POLR1E: variants seen among roughly 807,000 people sequenced by gnomAD.
The protein encoded by POLR1E is RNA polymerase I subunit E.
A neutral mutation model predicts 50.9 loss-of-function variants in POLR1E; 37 were observed. The ratio of observed to expected loss-of-function variants is 0.73; its 90% confidence interval spans 0.56 to 0.96. POLR1E has a LOEUF of 0.96. Ranked by LOEUF, POLR1E falls within the 40% of genes least tolerant of loss-of-function variation. The pLI is 0.00. For synonymous variants in POLR1E, 166 were observed against 191.6 expected (o/e 0.87, Z 1.10); for missense variants, 426 against 518.1 (o/e 0.82, Z 1.73).
chr9:37,489,529 C>T, intron 4 of POLR1E, 129 bp downstream of exon 4: 1 of 679,420 alleles, frequency 1.5e-6, no homozygotes, highest in Non-Finnish European at 2.3e-6. Flanking sequence ...GTTTTTTCTG[C>T]TTTGTCTGTG....
intron 4 of POLR1E, chr9:37,490,506 G>C: frequency 1.2e-6 from 1 of 813,820 alleles, no homozygotes; most frequent in Non-Finnish European, 2.2e-6. Context: ...TCTGGGTGGA[G>C]CAGGCTGGCG....
At position 37,486,021 on chromosome 9, in the gene POLR1E, C is replaced by T. The variant is rs776282343; in HGVS notation, c.-27C>T. 3.8e-6 allele frequency: 6 copies of T among 1,589,118 alleles called. No individual in the cohort carries two copies. The highest frequency in any genetic ancestry group is 1.3e-5 in the African/African-American group (1 of 74,902). On this transcript the variant is annotated 5_prime_UTR_variant, in exon 1 of 12. Transcript: ENST00000377798. ...GCTTGTGGCTGCTGCTGTCTTAACT[C>T]CTGTGCTTGGCGGACAGACAGGCGA...
chr9:37,502,688 A>G (rs1820911422), intron 11 of POLR1E, among the ~76,000 whole-genome samples: 1 of 152,242 alleles, frequency 6.6e-6, no homozygotes, highest in African/African-American at 2.4e-5. Context: ...GTGAGGCTGA[A>G]AAAAAGAGAA....
intron 9 of POLR1E, among the ~76,000 whole-genome samples, chr9:37,499,863 T>C (rs1820848624): frequency 7.1e-6 from 1 of 141,614 alleles, no homozygotes; most frequent in Non-Finnish European, 1.6e-5. Flanking sequence ...TTTTTTTTCT[T>C]TTTTTGAGAC....
Position 37,486,600 on chromosome 9 carries a change from A to G in POLR1E, c.77-103A>G, listed in dbSNP as rs140657619. 6.7e-5 allele frequency: 108 copies of G among 1,613,480 alleles called. No homozygotes were observed. The African/African-American group carries it at 1.3e-3, about 19-fold the overall frequency. On this transcript the variant is annotated intron_variant, in intron 1 of 11. Transcript: ENST00000377798. ...GGACCCGAGCTTCCTTGCCATCCCC[A>G]TTCTGACACTCCCTCCCAGTGACAG...
intron 6 of POLR1E, 126 bp from the exon 7 acceptor site, chr9:37,495,043 C>A: frequency 1.3e-6 from 1 of 776,506 alleles, no homozygotes; most frequent in Non-Finnish European, 2.2e-6. Flanking sequence ...GGCGAGGTCA[C>A]TTTGGCAGAA....
At chr9:37,494,449 T>C (rs1000460619) in intron 6 of POLR1E, among the ~76,000 whole-genome samples, 2 of 152,182 alleles carry the variant, frequency 1.3e-5, no homozygotes, top group African/African-American at 4.8e-5. Context: ...TATTTATTGA[T>C]TGATTGGAGA....
intron 10 of POLR1E, 34 bp downstream of exon 10, chr9:37,500,955 AGGAGAAAGTAGGT>A (rs752753659): frequency 1.3e-6 from 2 of 1,557,622 alleles, no homozygotes; most frequent in Non-Finnish European, 1.8e-6. Context: ...TTTCTTGTGC[AGGAGAAAGTAGGT>A]GGGGGTTGGG....
At chr9:37,494,613 G>A (rs58701990) in intron 6 of POLR1E, among the ~76,000 whole-genome samples, 2,540 of 151,968 alleles carry the variant, frequency 0.017, 83 homozygotes, top group African/African-American at 0.058. Flanking sequence ...AATTTTTTTA[G>A]TTTTTTGGAG....
chr9:37,488,400 C>A (rs56332740), intron 3 of POLR1E, among the ~76,000 whole-genome samples: 1 of 151,688 alleles, frequency 6.6e-6, no homozygotes, highest in Non-Finnish European at 1.5e-5. Context: ...CCAGCCTCCC[C>A]CTCTGTACAG....
At chr9:37,501,169 C>T (rs1201532927) in intron 10 of POLR1E, among the ~76,000 whole-genome samples, 1 of 152,206 alleles carries the variant, frequency 6.6e-6, no homozygotes, top group African/African-American at 2.4e-5. Flanking sequence ...ACAATAAAGA[C>T]TTGTTTTACT....
At position 37,501,852 on chromosome 9, in the gene POLR1E, C is replaced by T. The variant is rs758474868; in HGVS notation, c.1100+8C>T. 1 of 1,611,042 alleles carries T rather than the reference C, an allele frequency of 6.2e-7. No homozygotes were observed. Among genetic ancestry groups the T allele is most frequent in the South Asian group, 1.1e-5 (1 of 90,308 alleles). On this transcript the variant is annotated splice_region_variant and intron_variant, in intron 11 of 11. Coordinates refer to ENST00000377798, the MANE Select transcript of POLR1E (RefSeq NM_022490.4). ...GAAGCTCAGTGAGAAAAGGTGAGCA[C>T]AACAGAATAAAGAGCTCCCTGCAGG...
intron 7 of POLR1E, 65 bp from the exon 8 acceptor site, chr9:37,495,825 A>G (rs563998253): frequency 2.1e-5 from 24 of 1,155,776 alleles, no homozygotes; most frequent in African/African-American, 3.0e-5. Context: ...TGCCACTGCT[A>G]TGAGATGACC....
chr9:37,494,306 G>T (rs1820746529), intron 6 of POLR1E, among the ~76,000 whole-genome samples: 1 of 151,880 alleles, frequency 6.6e-6, no homozygotes, highest in South Asian at 2.1e-4. Context: ...AGCCTCCCAG[G>T]TAGCTAGGAT....
rs1409808585 is a variant in POLR1E, at chr9:37,490,503, G to A, written c.343+1103G>A. 7.2e-6 allele frequency: 6 copies of A among 829,540 alleles called. No individual in the cohort carries two copies. The East Asian group carries it at 7.3e-5, about 10-fold the overall frequency. 51.4% of individuals were successfully genotyped at this position (829,540 alleles called of 1,614,324 possible). A position where few individuals can be genotyped will look rare whatever the true frequency, so the allele number is the denominator to read the frequency against. On this transcript the variant is annotated intron_variant, in intron 4 of 11. Transcript: ENST00000377798. ...TCTCACCAAGTGTGCTTCTCTGGGT[G>A]GAGCAGGCTGGCGCTTCAGTTGAAC...
chr9:37,486,138 G>A lies in POLR1E; in HGVS notation c.76+15G>A, dbSNP rs769414999. ...AGCTGTACTGGGTAAAGACTGCGGA[G>A]CTGGAGCAGTGCTCCTCTAACCCTC... On this transcript the variant is annotated intron_variant, in intron 1 of 11. Coordinates refer to ENST00000377798, the MANE Select transcript of POLR1E (RefSeq NM_022490.4). 3.8e-6 allele frequency: 6 copies of A among 1,584,770 alleles called. No individual in the cohort carries two copies. In the South Asian group the frequency reaches 4.6e-5, roughly 12 times the overall value.
chr9:37,500,598 TGTG>T, intron 9 of POLR1E, among the ~76,000 whole-genome samples: 1 of 152,346 alleles, frequency 6.6e-6, no homozygotes, highest in South Asian at 2.1e-4. Flanking sequence ...GGCCTCAGGC[TGTG>T]TTTTCTTGTC....
At chr9:37,497,467 A>G (rs1193423464) in intron 8 of POLR1E, among the ~76,000 whole-genome samples, 3 of 152,236 alleles carry the variant, frequency 2.0e-5, no homozygotes, top group African/African-American at 7.2e-5. Context: ...GACTATAAAA[A>G]CAGAGGTCAG....
At position 37,487,848 on chromosome 9, in the gene POLR1E, C is replaced by T. The variant is rs747519205; in HGVS notation, c.181-15C>T. The T allele has an allele frequency of 1.2e-6, 2 of 1,613,376 alleles. No individual in the cohort carries two copies. Among genetic ancestry groups the T allele is most frequent in the Non-Finnish European group, 1.7e-6 (2 of 1,179,328 alleles). ...ACATTGGTTGTAAATGGAGTTTCCCCTCTCTGCATTTTAGGCAGCTGAAAC... is the reference window on the plus strand; with the variant it reads ...ACATTGGTTGTAAATGGAGTTTCCCTTCTCTGCATTTTAGGCAGCTGAAAC... On this transcript the variant is annotated splice_polypyrimidine_tract_variant and intron_variant, in intron 2 of 11. Transcript: ENST00000377798.
Sources: gnomAD v4.1 joint callset for allele counts (sites outside exome capture counted in the v4.1 genomes callset) on GRCh38, gnomAD v4.1.1 for gene constraint, MANE v1.5 for transcripts, NCBI Gene and HGNC (gene_info 2026-07-23, HGNC 2026-07-21) for gene names.